TTLL6: variants seen among roughly 807,000 people sequenced by gnomAD.
TTLL6 encodes the protein tubulin tyrosine ligase like 6.
In TTLL6, 75 loss-of-function variants were observed where a neutral mutation model predicts 96.4. The ratio of observed to expected loss-of-function variants is 0.78; its 90% CI spans 0.65 to 0.94. The LOEUF is 0.94. TTLL6 is among the 40% of genes least tolerant of loss of function. The pLI is 0.00. For synonymous variants in TTLL6, 411 were observed against 419.4 expected (o/e 0.98, Z 0.24); for missense variants, 1,030 against 1,093.0 (o/e 0.94, Z 0.81).
At chr17:48,767,696 G>A (rs1307440909) in intron 15 of TTLL6, among the ~76,000 whole-genome samples, 1 of 152,122 alleles carries the variant, frequency 6.6e-6, no homozygotes, top group Non-Finnish European at 1.5e-5. Context: ...TAATTCCACA[G>A]CTCTATGTTG....
chr17:48,814,799 CTTTCAAA>C, intron 1 of TTLL6, among the ~76,000 whole-genome samples: 1 of 152,248 alleles, frequency 6.6e-6, no homozygotes, highest in South Asian at 2.1e-4. Context: ...TTCTTTCTTT[CTTTCAAA>C]CTCCAGCCTG....
At chr17:48,791,328 T>C (rs1158827393) in intron 9 of TTLL6, 50 bp downstream of exon 9, 12 of 1,522,638 alleles carry the variant, frequency 7.9e-6, no homozygotes, top group Non-Finnish European at 1.0e-5. Flanking sequence ...TGAAGCGGGC[T>C]GGCCCCAATA....
At chr17:48,793,210 A>C (rs918415552) in intron 8 of TTLL6, among the ~76,000 whole-genome samples, 1 of 152,162 alleles carries the variant, frequency 6.6e-6, no homozygotes, top group Admixed American at 6.6e-5. Context: ...GTATGAGAAG[A>C]AGATTGTCTC....
chr17:48,780,127 T>C (rs753724840), intron 13 of TTLL6, among the ~76,000 whole-genome samples: 1 of 152,012 alleles, frequency 6.6e-6, no homozygotes, highest in Non-Finnish European at 1.5e-5. Context: ...TATAATCAAA[T>C]CATATTTAAA....
chr17:48,779,956 T>C (rs191111892), intron 13 of TTLL6, among the ~76,000 whole-genome samples: 288 of 152,220 alleles, frequency 1.9e-3, no homozygotes, highest in Non-Finnish European at 5.9e-4. Flanking sequence ...AGGAGGAAAC[T>C]TTCTGGAGAT....
chr17:48,777,944 C>A (rs1263477025), intron 13 of TTLL6, among the ~76,000 whole-genome samples: 2 of 150,962 alleles, frequency 1.3e-5, no homozygotes, highest in Non-Finnish European at 3.0e-5. Flanking sequence ...ATATTTGTGA[C>A]CTGAGGTACA....
rs1276987691 is a variant in TTLL6 at position 48,768,978 on chromosome 17, T to C, written c.*11A>G. 1 of 1,611,778 alleles carries C rather than the reference T, an allele frequency of 6.2e-7. No individual in the cohort carries two copies. Among genetic ancestry groups the C allele is most frequent in the Admixed American group, 1.7e-5 (1 of 59,940 alleles). On this transcript the variant is annotated intron_variant, in intron 15 of 15. Transcript: ENST00000393382. Reference sequence around the variant, plus strand: ...GCACCAAATTCATTAAGGGAATATGTGTGGGCCTACCTAGCTCCTCTCACA... The same window carrying C: ...GCACCAAATTCATTAAGGGAATATGCGTGGGCCTACCTAGCTCCTCTCACA...
In TTLL6 at chr17:48,801,831, G is replaced by A. The variant is rs377478668; in HGVS notation, c.362-188C>T. On this transcript the variant is annotated intron_variant, in intron 3 of 15. Coordinates refer to ENST00000393382, the MANE Select transcript of TTLL6 (RefSeq NM_001130918.3). Reference sequence around the variant, plus strand: ...CAAACACTGTCACTGCATCACTTGAGTCCAGGAGTTCAAGACCAGCCTGGC... The same window carrying A: ...CAAACACTGTCACTGCATCACTTGAATCCAGGAGTTCAAGACCAGCCTGGC... Among the ~76,000 whole-genome samples the A allele has an allele frequency of 1.1e-4, 16 of 151,906 alleles. No homozygotes were observed. In the East Asian group the frequency reaches 2.7e-3, roughly 26 times the overall value.
rs567998555 is a variant in TTLL6, at chr17:48,789,798, C to G, written c.1400+133G>C. On this transcript the variant is annotated intron_variant, in intron 10 of 15. Transcript: ENST00000393382. ...TCTCGAACTCCTGACCTCAGGTGAT[C>G]TGCCTGCCTCAGCCTCCCAAAGTGC... is the stretch of plus-strand genomic sequence containing the variant. 30 of 889,882 alleles carry G rather than the reference C, an allele frequency of 3.4e-5. No individual in the cohort carries two copies. In the South Asian group the frequency reaches 3.9e-4, roughly 12 times the overall value. 55.1% of individuals were successfully genotyped at this position (889,882 alleles called of 1,614,324 possible).
chr17:48,785,784 T>C (rs776841722), intron 12 of TTLL6, among the ~76,000 whole-genome samples: 10 of 152,172 alleles, frequency 6.6e-5, no homozygotes, highest in Admixed American at 1.3e-4. Flanking sequence ...CTCTCCACTG[T>C]GCCCTGGCCT....
chr17:48,774,103 A>AC (rs1440717422), intron 13 of TTLL6, among the ~76,000 whole-genome samples: 17 of 134,768 alleles, frequency 1.3e-4, no homozygotes, highest in African/African-American at 4.1e-4. Context: ...AAACAAAAAA[A>AC]AAAAAAAAAC....
At position 48,762,751 on chromosome 17, in the gene TTLL6, G is replaced by C. The variant is rs2038513654; in HGVS notation, c.*223C>G. The C allele has an allele frequency of 3.0e-6, 1 of 336,310 alleles. No homozygotes were observed. Among genetic ancestry groups the C allele is most frequent in the Non-Finnish European group, 5.8e-6 (1 of 172,454 alleles). 20.8% of individuals were successfully genotyped at this position (336,310 alleles called of 1,614,324 possible). ...CTGGGGCAGCACCAATCCAACCCCAGAAATCATGGTCCTGTAGCACTGTAA... is the reference window on the plus strand; with the variant it reads ...CTGGGGCAGCACCAATCCAACCCCACAAATCATGGTCCTGTAGCACTGTAA... On this transcript the variant is annotated 3_prime_UTR_variant, in exon 16 of 16. Coordinates refer to ENST00000393382, the MANE Select transcript of TTLL6 (RefSeq NM_001130918.3).
chr17:48,799,126 C>T (rs924722103), intron 6 of TTLL6, among the ~76,000 whole-genome samples: 3 of 152,208 alleles, frequency 2.0e-5, no homozygotes, highest in Non-Finnish European at 2.9e-5. Context: ...CCAGCCAATG[C>T]ATAGTTGCAG....
At chr17:48,770,161 T>C in intron 13 of TTLL6, 64 bp from the exon 14 acceptor site, 1 of 1,509,396 alleles carries the variant, frequency 6.6e-7, no homozygotes, top group Non-Finnish European at 8.8e-7. Flanking sequence ...TATGCTATTT[T>C]TTTTTTATTT....
chr17:48,796,568 G>A (rs528088228), intron 7 of TTLL6, among the ~76,000 whole-genome samples: 28 of 151,122 alleles, frequency 1.9e-4, no homozygotes, highest in African/African-American at 6.3e-4. Flanking sequence ...GCAATGAGCC[G>A]AGATCATGCC....
At chr17:48,774,753 A>G (rs2038838181) in intron 13 of TTLL6, among the ~76,000 whole-genome samples, 1 of 152,152 alleles carries the variant, frequency 6.6e-6, no homozygotes, top group Non-Finnish European at 1.5e-5. Flanking sequence ...TTTAAATTGA[A>G]TTTTTAGTTT....
intron 1 of TTLL6, among the ~76,000 whole-genome samples, chr17:48,807,758 C>A (rs969100825): frequency 1.3e-5 from 2 of 151,662 alleles, no homozygotes; most frequent in Non-Finnish European, 2.9e-5. Flanking sequence ...GCAATCTGCC[C>A]GCCTCTGCCT....
At chr17:48,799,570 G>C in intron 6 of TTLL6, 34 bp downstream of exon 6, 1 of 1,541,868 alleles carries the variant, frequency 6.5e-7, no homozygotes, top group Non-Finnish European at 8.8e-7. Flanking sequence ...CGGTTGCTGT[G>C]GGTGATAAAT....
chr17:48,812,635 A>T (rs889364841), intron 1 of TTLL6, among the ~76,000 whole-genome samples: 3 of 152,218 alleles, frequency 2.0e-5, no homozygotes, highest in Admixed American at 2.0e-4. Context: ...CTCTACCATT[A>T]CCAGCTGTGT....
Sources: allele counts gnomAD v4.1 joint callset (sites outside exome capture counted in the v4.1 genomes callset), GRCh38; gene constraint gnomAD v4.1.1; transcripts MANE v1.5; gene names NCBI Gene and HGNC (gene_info 2026-07-23, HGNC 2026-07-21).